FAF1: variants seen among roughly 807,000 people sequenced by gnomAD.
The protein encoded by FAF1 is FAS-associated factor 1.
A neutral mutation model predicts 92.5 loss-of-function variants in FAF1; 25 were observed. That is an observed-to-expected ratio of 0.27 (90% CI 0.20 to 0.38). The LOEUF is 0.38. Among genes scored for constraint, FAF1 ranks in the 10% least tolerant of loss-of-function variants. The pLI is 1.00. For synonymous variants in FAF1, 234 were observed against 273.2 expected, an observed-to-expected ratio of 0.86 and a Z score of 1.42; for missense variants, 636 against 793.3, an observed-to-expected ratio of 0.80 and a Z score of 2.38.
chr1:50,641,053 C>T (rs1308398418), intron 8 of FAF1, among the ~76,000 whole-genome samples: 2 of 151,796 alleles, frequency 1.3e-5, no homozygotes, highest in Non-Finnish European at 2.9e-5. Context: ...AGGATGGTCT[C>T]GATCTCTTGA....
At chr1:50,740,769 T>G (rs1455699528) in intron 5 of FAF1, among the ~76,000 whole-genome samples, 1 of 152,188 alleles carries the variant, frequency 6.6e-6, no homozygotes, top group Non-Finnish European at 1.5e-5. Context: ...TCCTGAAACT[T>G]TATGTCAAAT....
chr1:50,919,446 A>G (rs1374077295), intron 1 of FAF1, among the ~76,000 whole-genome samples: 1 of 152,148 alleles, frequency 6.6e-6, no homozygotes, highest in African/African-American at 2.4e-5. Context: ...AGTAAAATAC[A>G]TGAAAAGAAT....
At chr1:50,815,588 C>T (rs190660295) in intron 2 of FAF1, among the ~76,000 whole-genome samples, 6 of 152,184 alleles carry the variant, frequency 3.9e-5, no homozygotes, top group Admixed American at 3.3e-4. Flanking sequence ...CTGGGTAGAA[C>T]GGCAGTTCTT....
intron 17 of FAF1, among the ~76,000 whole-genome samples, chr1:50,483,278 T>C (rs552684918): frequency 6.6e-6 from 1 of 152,274 alleles, no homozygotes; most frequent in African/African-American, 2.4e-5. Flanking sequence ...CCCATTGAAT[T>C]GCCTTTGTAT....
chr1:50,929,393 T>G (rs1385122446), intron 1 of FAF1, among the ~76,000 whole-genome samples: 1 of 152,160 alleles, frequency 6.6e-6, no homozygotes, highest in Non-Finnish European at 1.5e-5. Context: ...GAGCAAGAAT[T>G]AATGCATGTT....
chr1:50,884,254 C>T (rs972575845), intron 1 of FAF1, among the ~76,000 whole-genome samples: 1 of 152,072 alleles, frequency 6.6e-6, no homozygotes, highest in African/African-American at 2.4e-5. Context: ...GTGACTCAAG[C>T]CTGTAATCCC....
intron 18 of FAF1, among the ~76,000 whole-genome samples, chr1:50,459,501 T>C (rs541901699): frequency 5.3e-5 from 8 of 152,272 alleles, no homozygotes; most frequent in Non-Finnish European, 1.0e-4. Flanking sequence ...TTGCTTATGG[T>C]ACTATACCAT....
chr1:50,918,707 C>G (rs558113695), intron 1 of FAF1, among the ~76,000 whole-genome samples: 1 of 102,584 alleles, frequency 9.7e-6, no homozygotes, highest in East Asian at 2.6e-4. Context: ...GGTATATACC[C>G]AGTAATGGGA....
chr1:50,735,119 C>T (rs2124479717), intron 6 of FAF1, among the ~76,000 whole-genome samples: 1 of 152,308 alleles, frequency 6.6e-6, no homozygotes, highest in Middle Eastern at 3.4e-3. Context: ...AAATAGGTTA[C>T]AGGCTACCTG....
chr1:50,668,368 A>G (rs927925009), intron 7 of FAF1, among the ~76,000 whole-genome samples: 1 of 152,194 alleles, frequency 6.6e-6, no homozygotes, highest in Non-Finnish European at 1.5e-5. Flanking sequence ...GCCCTGAGAG[A>G]TACTTAAAAG....
chr1:50,636,678 CTT>C (rs1654027498), intron 8 of FAF1, among the ~76,000 whole-genome samples: 1 of 152,024 alleles, frequency 6.6e-6, no homozygotes, highest in Admixed American at 6.6e-5. Flanking sequence ...TTAATCCTGT[CTT>C]TTGAAAAGCA....
At chr1:50,753,023 G>A (rs28787109) in intron 4 of FAF1, among the ~76,000 whole-genome samples, 65,102 of 152,022 alleles carry the variant, frequency 0.43, 15,039 homozygotes, top group African/African-American at 0.57. Context: ...TCATTAAGAT[G>A]TGTTTAACGT....
At chr1:50,688,629 A>G (rs1656780233) in intron 7 of FAF1, among the ~76,000 whole-genome samples, 1 of 152,178 alleles carries the variant, frequency 6.6e-6, no homozygotes, top group Non-Finnish European at 1.5e-5. Flanking sequence ...CCTGACCAAC[A>G]TGGAGAAACC....
At chr1:50,855,715 C>A (rs1644385941) in intron 2 of FAF1, among the ~76,000 whole-genome samples, 1 of 151,752 alleles carries the variant, frequency 6.6e-6, no homozygotes, top group Admixed American at 6.6e-5. Flanking sequence ...AAAATGTAAA[C>A]AGCAAGATAG....
intron 13 of FAF1, among the ~76,000 whole-genome samples, chr1:50,556,598 G>A (rs965949514): frequency 6.6e-6 from 1 of 152,172 alleles, no homozygotes; most frequent in African/African-American, 2.4e-5. Flanking sequence ...CACTTTGGGA[G>A]GCTGAGGTGG....
intron 6 of FAF1, among the ~76,000 whole-genome samples, chr1:50,723,465 A>G (rs1658498888): frequency 6.6e-6 from 1 of 152,166 alleles, no homozygotes; most frequent in African/African-American, 2.4e-5. Flanking sequence ...CCTTCTAATA[A>G]CTAAGTCTCA....
At chr1:50,645,523 T>G (rs1557453125) in intron 8 of FAF1, among the ~76,000 whole-genome samples, 1 of 152,180 alleles carries the variant, frequency 6.6e-6, no homozygotes, top group Non-Finnish European at 1.5e-5. Context: ...TGTGGCACAG[T>G]ACATTAAGAA....
At chr1:50,619,494 G>C (rs1419982830) in intron 8 of FAF1, among the ~76,000 whole-genome samples, 1 of 152,154 alleles carries the variant, frequency 6.6e-6, no homozygotes, top group African/African-American at 2.4e-5. Context: ...CACTTATAAA[G>C]CTTAGTTTGC....
chr1:50,651,534 C>A (rs996204152), intron 8 of FAF1, among the ~76,000 whole-genome samples: 1 of 152,192 alleles, frequency 6.6e-6, no homozygotes, highest in African/African-American at 2.4e-5. Context: ...AATAAAAGTA[C>A]AAAATGACCT....
Sources: allele counts gnomAD v4.1 joint callset (sites outside exome capture counted in the v4.1 genomes callset), GRCh38; gene constraint gnomAD v4.1.1; transcripts MANE v1.5; gene names NCBI Gene and HGNC (gene_info 2026-07-23, HGNC 2026-07-21).